Variants in SPATS2 observed in about 807,000 individuals in gnomAD.
The protein encoded by SPATS2 is spermatogenesis associated serine rich 2.
SPATS2 carries 38 observed loss-of-function variants against 63.7 expected under a neutral mutation model. The ratio of observed to expected loss-of-function variants is 0.60; its 90% confidence interval spans 0.46 to 0.78. SPATS2 has a LOEUF of 0.78. Ranked by LOEUF, SPATS2 falls within the 30% of genes least tolerant of loss-of-function variation. SPATS2 has a pLI of 0.00. For missense variants in SPATS2, 588 were observed against 666.2 expected, an observed-to-expected ratio of 0.88 and a Z score of 1.29; for synonymous variants, 207 against 232.9, an observed-to-expected ratio of 0.89 and a Z score of 1.01.
At chr12:49,502,227 A>G (rs1473327267) in intron 9 of SPATS2, among the ~76,000 whole-genome samples, 4 of 152,162 alleles carry the variant, frequency 2.6e-5, no homozygotes, top group Non-Finnish European at 5.9e-5. Context: ...TTGCCACAAC[A>G]TATAAGAGAT....
At chr12:49,431,719 TGC>T (rs1426045674) in intron 2 of SPATS2, among the ~76,000 whole-genome samples, 1 of 152,198 alleles carries the variant, frequency 6.6e-6, no homozygotes, top group African/African-American at 2.4e-5. Flanking sequence ...CAAACAGCCT[TGC>T]AAGGTAAATT....
At chr12:49,472,809 G>A (rs1946058505) in intron 3 of SPATS2, among the ~76,000 whole-genome samples, 1 of 146,314 alleles carries the variant, frequency 6.8e-6, no homozygotes, top group Non-Finnish European at 1.5e-5. Context: ...GGAGGCTGAG[G>A]TGGTCGGATC....
At chr12:49,476,325 T>C (rs1946117275) in intron 3 of SPATS2, among the ~76,000 whole-genome samples, 1 of 152,106 alleles carries the variant, frequency 6.6e-6, no homozygotes, top group Admixed American at 6.5e-5. Flanking sequence ...GTCCGCCTAG[T>C]GGCCCGACTC....
At position 49,520,719 on chromosome 12, in the gene SPATS2, C is replaced by T. The variant is rs188030634; in HGVS notation, c.1008+1537C>T. On this transcript the variant is annotated intron_variant, in intron 11 of 13. Transcript: ENST00000552918. ...CAATTACTTGGGTTCAACATTTATA[C>T]CTTTTTAATTTTTTTTTTTTTTTGA... 1.0e-3 allele frequency among the ~76,000 whole-genome samples: 155 copies of T among 151,858 alleles called. 1 individual carries two copies. The highest frequency in any genetic ancestry group is 1.9e-3 in the Non-Finnish European group (130 of 67,968).
intron 2 of SPATS2, among the ~76,000 whole-genome samples, chr12:49,380,713 A>AT (rs1944201869): frequency 2.6e-5 from 4 of 151,082 alleles, no homozygotes; most frequent in African/African-American, 4.9e-5. Context: ...CTCAAAAAAA[A>AT]AATATATATA....
intron 2 of SPATS2, among the ~76,000 whole-genome samples, chr12:49,410,509 C>G (rs951728248): frequency 2.0e-5 from 3 of 152,154 alleles, no homozygotes; most frequent in Non-Finnish European, 4.4e-5. Context: ...TACTTACTAT[C>G]TAATTTTTCT....
At chr12:49,441,419 T>G (rs987813778) in intron 2 of SPATS2, among the ~76,000 whole-genome samples, 9 of 152,222 alleles carry the variant, frequency 5.9e-5, no homozygotes, top group Non-Finnish European at 1.5e-5. Flanking sequence ...AACATGTTCC[T>G]TCAATCCTAA....
chr12:49,514,647 C>T (rs527923397), intron 10 of SPATS2, 34 bp downstream of exon 10: 1 of 1,599,988 alleles, frequency 6.3e-7, no homozygotes, highest in African/African-American at 1.3e-5. Flanking sequence ...AAGCTATTAC[C>T]TTCATAAATA....
intron 3 of SPATS2, among the ~76,000 whole-genome samples, chr12:49,475,413 G>T (rs746581106): frequency 1.2e-4 from 18 of 151,796 alleles, no homozygotes; most frequent in Non-Finnish European, 2.1e-4. Flanking sequence ...CTTTACTGGT[G>T]TACTGGTAGA....
chr12:49,403,232 C>T (rs1471165533), intron 2 of SPATS2, among the ~76,000 whole-genome samples: 1 of 152,110 alleles, frequency 6.6e-6, no homozygotes, highest in Non-Finnish European at 1.5e-5. Context: ...TCTGGCAGTG[C>T]AGGTGTAGGG....
Position 49,375,413 on chromosome 12 carries a change from C to G in SPATS2, c.-244+4123C>G, listed in dbSNP as rs577020424. ...AGTCTTTCCTATTTTAAATAACTTG[C>G]TTTTGTTTTAAGGCTACCCTCTGTA... On this transcript the variant is annotated intron_variant, in intron 2 of 13. Coordinates refer to ENST00000552918, the MANE Select transcript of SPATS2 (RefSeq NM_023071.4). 3.3e-5 allele frequency among the ~76,000 whole-genome samples: 5 copies of G among 152,246 alleles called. No homozygotes were observed. The South Asian group carries it at 8.3e-4, about 25-fold the overall frequency.
chr12:49,374,985 A>AAAAG (rs1406101339), intron 2 of SPATS2, among the ~76,000 whole-genome samples: 1 of 148,586 alleles, frequency 6.7e-6, no homozygotes, highest in Non-Finnish European at 1.5e-5. Flanking sequence ...AAAAAAAAAA[A>AAAAG]GGCATAGGTT....
At position 49,526,325 on chromosome 12, in the gene SPATS2, AC is replaced by A; in HGVS notation, c.*71del. The A allele has an allele frequency of 6.7e-7, 1 of 1,491,572 alleles. No homozygotes were observed. The highest frequency in any genetic ancestry group is 8.9e-7 in the Non-Finnish European group (1 of 1,117,450). The allele number at this position is 1,491,572 out of a possible 1,614,324, so 92.4% of individuals were successfully genotyped here. A position where few individuals can be genotyped will look rare whatever the true frequency, so the allele number is the denominator to read the frequency against. On this transcript the variant is annotated 3_prime_UTR_variant, in exon 14 of 14. Coordinates refer to ENST00000552918, the MANE Select transcript of SPATS2 (RefSeq NM_023071.4). The stretch of plus-strand genomic sequence containing the variant: ...TTGATAACTGGACTTTAGGAAACTT[AC>A]AGTTAGATGTAATAACAAAAAGAAG...
chr12:49,368,150 C>T (rs1411915033), intron 1 of SPATS2, among the ~76,000 whole-genome samples: 2 of 152,176 alleles, frequency 1.3e-5, no homozygotes, highest in Non-Finnish European at 2.9e-5. Flanking sequence ...AAGGTAGATT[C>T]AGTCAGTTTT....
intron 2 of SPATS2, among the ~76,000 whole-genome samples, chr12:49,436,425 G>A (rs1168053266): frequency 1.6e-4 from 22 of 136,280 alleles, no homozygotes; most frequent in African/African-American, 2.6e-4. Context: ...CCTCCCGGAG[G>A]GGGCGGCTGG....
chr12:49,392,685 C>T (rs1260070848), intron 2 of SPATS2, among the ~76,000 whole-genome samples: 1 of 151,932 alleles, frequency 6.6e-6, no homozygotes, highest in African/African-American at 2.4e-5. Flanking sequence ...TGCACTCCAG[C>T]GCCTAGGCAA....
At chr12:49,516,204 T>TATATATAAATAAATAA (rs764472141) in intron 10 of SPATS2, among the ~76,000 whole-genome samples, 1 of 70,704 alleles carries the variant, frequency 1.4e-5, no homozygotes, top group African/African-American at 5.3e-5. Flanking sequence ...TATATATATA[T>TATATATAAATAAATAA]ATATAAATCA....
At chr12:49,368,375 A>G (rs1054518663) in intron 1 of SPATS2, among the ~76,000 whole-genome samples, 1 of 152,190 alleles carries the variant, frequency 6.6e-6, no homozygotes, top group Non-Finnish European at 1.5e-5. Flanking sequence ...ACGGTTAATG[A>G]AGCAGGAGAG....
At chr12:49,389,555 A>ATTT (rs1347122938) in intron 2 of SPATS2, 2 of 1,001,538 alleles carry the variant, frequency 2.0e-6, no homozygotes, top group Admixed American at 3.4e-5. Flanking sequence ...TGATGCTAAA[A>ATTT]CTCTTGTTGA....
Sources: allele counts gnomAD v4.1 joint callset (sites outside exome capture counted in the v4.1 genomes callset), GRCh38; gene constraint gnomAD v4.1.1; transcripts MANE v1.5; gene names NCBI Gene and HGNC (gene_info 2026-07-23, HGNC 2026-07-21).